The following RGS5 variants were observed in gnomAD, a reference collection of about 807,000 sequenced individuals.
RGS5 encodes regulator of G protein signaling 5.
A neutral mutation model predicts 18.9 loss-of-function variants in RGS5; 20 were observed. The observed-to-expected ratio is 1.06, with a 90% CI of 0.74 to 1.54. The LOEUF (loss-of-function observed/expected upper bound fraction) is 1.54. Ranked by LOEUF, RGS5 falls within the 40% of genes most tolerant of loss-of-function variation. RGS5 has a pLI of 0.00. For missense variants in RGS5, 201 were observed against 211.8 expected (o/e 0.95, Z 0.32); for synonymous variants, 57 against 76.2 (o/e 0.75, Z 1.31).
At chr1:163,241,330 C>A (rs1279664468) in intron 2 of RGS5, among the ~76,000 whole-genome samples, 4 of 152,114 alleles carry the variant, frequency 2.6e-5, no homozygotes, top group African/African-American at 9.7e-5. Flanking sequence ...GAATGAAGAC[C>A]TCTGTGGCTT....
intron 2 of RGS5, among the ~76,000 whole-genome samples, chr1:163,284,228 G>T (rs776409614): frequency 5.3e-5 from 8 of 151,994 alleles, no homozygotes; most frequent in Non-Finnish European, 1.2e-4. Flanking sequence ...TTCACTTACC[G>T]GTTTATTCAC....
intron 1 of RGS5, among the ~76,000 whole-genome samples, chr1:163,169,325 G>A (rs953333454): frequency 2.6e-5 from 4 of 152,104 alleles, no homozygotes; most frequent in African/African-American, 7.2e-5. Flanking sequence ...ATAAACATAT[G>A]TGTGCATGTG....
At chr1:163,184,368 G>C (rs1658979040) in intron 1 of RGS5, among the ~76,000 whole-genome samples, 1 of 148,492 alleles carries the variant, frequency 6.7e-6, no homozygotes, top group Non-Finnish European at 1.5e-5. Context: ...CACAGAGAGT[G>C]TTAGGAAGCT....
chr1:163,250,123 G>C (rs1177668033), intron 2 of RGS5, among the ~76,000 whole-genome samples: 1 of 152,190 alleles, frequency 6.6e-6, no homozygotes, highest in Non-Finnish European at 1.5e-5. Flanking sequence ...TGACCATTGG[G>C]TTCTCCAGTT....
chr1:163,150,723 T>C (rs1004789519), intron 4 of RGS5, among the ~76,000 whole-genome samples: 1 of 152,196 alleles, frequency 6.6e-6, no homozygotes, highest in African/African-American at 2.4e-5. Flanking sequence ...CCCACAGTAC[T>C]GTACATTCTC....
chr1:163,158,749 C>A (rs976530530), intron 3 of RGS5, among the ~76,000 whole-genome samples: 22 of 152,242 alleles, frequency 1.4e-4, no homozygotes, highest in Admixed American at 6.5e-4. Context: ...ATTAAAATTG[C>A]TAATGAAGTT....
chr1:163,187,613 G>A (rs1659148478), intron 1 of RGS5, among the ~76,000 whole-genome samples: 1 of 152,132 alleles, frequency 6.6e-6, no homozygotes, highest in Admixed American at 6.6e-5. Flanking sequence ...TGGGTTCAGG[G>A]AGCTTCCGGA....
chr1:163,285,998 G>GCA (rs10683583), intron 2 of RGS5, among the ~76,000 whole-genome samples: 36,460 of 134,824 alleles, frequency 0.27, 5,475 homozygotes, highest in East Asian at 0.7. Context: ...TTTAATTTAT[G>GCA]CACACACACA....
At chr1:163,185,664 C>T (rs747069855) in intron 1 of RGS5, among the ~76,000 whole-genome samples, 30 of 152,186 alleles carry the variant, frequency 2.0e-4, no homozygotes, top group Non-Finnish European at 4.0e-4. Flanking sequence ...TTCCAGTTCC[C>T]TGTTCTAGAT....
At chr1:163,285,866 C>A (rs1026497722) in intron 2 of RGS5, among the ~76,000 whole-genome samples, 2 of 152,016 alleles carry the variant, frequency 1.3e-5, no homozygotes, top group Non-Finnish European at 2.9e-5. Context: ...CCCAGCGCCT[C>A]CCCAGAAGCA....
intron 1 of RGS5, among the ~76,000 whole-genome samples, chr1:163,196,898 T>C (rs562355306): frequency 6.6e-6 from 1 of 152,300 alleles, no homozygotes; most frequent in African/African-American, 2.4e-5. Context: ...AATACCAAGC[T>C]GTCCTAGAAG....
chr1:163,157,504 T>C (rs1657631623), intron 3 of RGS5, among the ~76,000 whole-genome samples: 1 of 152,178 alleles, frequency 6.6e-6, no homozygotes. Flanking sequence ...CTTATATTTT[T>C]TAGAAGCTTG....
upstream of RGS5, among the ~76,000 whole-genome samples, chr1:163,222,277 G>C (rs1647243057): frequency 6.6e-6 from 1 of 152,048 alleles, no homozygotes; most frequent in Non-Finnish European, 1.5e-5. Context: ...TCTCATAGGA[G>C]CATGAACTCT....
intron 1 of RGS5, among the ~76,000 whole-genome samples, chr1:163,214,893 T>A (rs1159240956): frequency 1.3e-5 from 2 of 152,168 alleles, no homozygotes; most frequent in Non-Finnish European, 2.9e-5. Context: ...TACTTTGTGG[T>A]TTTAAACAAA....
intron 1 of RGS5, among the ~76,000 whole-genome samples, chr1:163,315,022 A>C (rs1649983457): frequency 6.6e-6 from 1 of 152,208 alleles, no homozygotes; most frequent in Non-Finnish European, 1.5e-5. Flanking sequence ...TGTTATAACT[A>C]ACTAATTAAA....
At position 163,147,344 on chromosome 1, in the gene RGS5, A is replaced by G. The variant is rs762295521; in HGVS notation, c.544T>C (p.Ter182GlnextTer1). Residue 182 changes from the stop codon to glutamine, a stop_lost, in exon 5 of 5, where the codon TAG (stop) becomes CAG (glutamine). Coordinates refer to ENST00000313961, the MANE Select transcript of RGS5 (RefSeq NM_003617.4). ...GATTTCATAGCCTGGCTAAATTACT[A>G]CTTGATTAACTCCTGATAAAACTCA... The part of the protein sequence containing the change: ...RSEFYQELIK[*>Q] The G allele has an allele frequency of 3.0e-5, 48 of 1,590,010 alleles. No individual in the cohort carries two copies. The highest frequency in any genetic ancestry group is 1.7e-4 in the Middle Eastern group (1 of 5,920).
intron 1 of RGS5, chr1:163,211,801 G>A (rs1429314265): frequency 6.6e-6 from 1 of 152,040 alleles, no homozygotes; most frequent in Non-Finnish European, 1.5e-5. Flanking sequence ...TTTTATGAGA[G>A]CTGCTTTTCT....
intron 2 of RGS5, among the ~76,000 whole-genome samples, chr1:163,252,899 C>T (rs1648151709): frequency 3.9e-5 from 6 of 152,036 alleles, no homozygotes; most frequent in Admixed American, 2.0e-4. Context: ...ATTCTGAGCC[C>T]GAATTTCATC....
intron 4 of RGS5, among the ~76,000 whole-genome samples, chr1:163,151,255 G>T (rs961614275): frequency 1.3e-5 from 2 of 152,036 alleles, no homozygotes; most frequent in African/African-American, 4.8e-5. Context: ...GTAATATTTT[G>T]ATTTTCATGA....
Sources: allele counts gnomAD v4.1 joint callset (sites outside exome capture counted in the v4.1 genomes callset), GRCh38; gene constraint gnomAD v4.1.1; transcripts MANE v1.5; gene names NCBI Gene and HGNC (gene_info 2026-07-23, HGNC 2026-07-21).